The following TYW3 variants were observed in gnomAD, a reference collection of about 807,000 sequenced individuals.
TYW3 encodes tRNA wybutosine-synthesizing protein 3 homolog.
A neutral mutation model predicts 23.1 loss-of-function variants in TYW3; 26 were observed. The observed-to-expected ratio is 1.13, with a 90% confidence interval of 0.83 to 1.56. The LOEUF (loss-of-function observed/expected upper bound fraction) is 1.56, where lower values mean the gene tolerates loss of function less well. TYW3 is among the 40% of genes most tolerant of loss of function. The pLI, the probability that TYW3 is intolerant of heterozygous loss-of-function variation, is 0.00. For missense variants in TYW3, 316 were observed against 311.9 expected, an observed-to-expected ratio of 1.01 and a Z score of -0.10; for synonymous variants, 102 against 105.7, an observed-to-expected ratio of 0.97 and a Z score of 0.21.
At position 74,764,122 on chromosome 1, in the gene TYW3, T is replaced by C. The variant is rs1315103329; in HGVS notation, c.*9T>C. ...TCCCTGAAGATTACTAAGCTTTGGT[T>C]CTGATGTGTCTTGGCCGTAATGTTT... On this transcript the variant is annotated 3_prime_UTR_variant, in exon 6 of 6. Coordinates refer to ENST00000370867, the MANE Select transcript of TYW3 (RefSeq NM_138467.3). 2 of 1,601,452 alleles carry C rather than the reference T, an allele frequency of 1.2e-6. No homozygotes were observed. Among genetic ancestry groups the C allele is most frequent in the Non-Finnish European group, 8.5e-7 (1 of 1,175,046 alleles).
Position 74,765,559 on chromosome 1 carries a change from C to T in TYW3, c.*1446C>T, listed in dbSNP as rs1156899899. 6.6e-6 allele frequency: 1 copy of T among 151,932 alleles called. No individual in the cohort carries two copies. The highest frequency in any genetic ancestry group is 1.5e-5 in the Non-Finnish European group (1 of 67,940). The allele number at this position is 151,932 out of a possible 1,614,324, so 9.4% of individuals were successfully genotyped here. A position where few individuals can be genotyped will look rare whatever the true frequency, so the allele number is the denominator to read the frequency against. ...ACTCACAGTGTCGGAATGCCTGGAG[C>T]ATTTCTTCTAGTCTGGTGGACAGAA... is the stretch of plus-strand genomic sequence containing the variant. On this transcript the variant is annotated 3_prime_UTR_variant, in exon 6 of 6. Coordinates refer to ENST00000370867, the MANE Select transcript of TYW3 (RefSeq NM_138467.3).
chr1:74,741,712 A>G (rs544953182), intron 3 of TYW3, among the ~76,000 whole-genome samples: 1 of 152,342 alleles, frequency 6.6e-6, no homozygotes, highest in South Asian at 2.1e-4. Flanking sequence ...CATTTGTGAG[A>G]AAAGTTCTTC....
intron 2 of TYW3, among the ~76,000 whole-genome samples, chr1:74,737,900 A>G (rs1020248715): frequency 1.4e-4 from 21 of 152,164 alleles, no homozygotes; most frequent in African/African-American, 5.1e-4. Context: ...TGGCTAGCAG[A>G]TTGGTTCCAC....
intron 5 of TYW3, among the ~76,000 whole-genome samples, chr1:74,753,686 T>C (rs555187173): frequency 4.6e-5 from 7 of 152,244 alleles, no homozygotes; most frequent in Non-Finnish European, 1.0e-4. Flanking sequence ...CCTGACCCTG[T>C]TATGTTTTGG....
Position 74,759,600 on chromosome 1 carries a change from G to C in TYW3, c.561-4294G>C, listed in dbSNP as rs973517381. 4.6e-5 allele frequency among the ~76,000 whole-genome samples: 7 copies of C among 152,172 alleles called. No individual in the cohort carries two copies. In the East Asian group the frequency reaches 1.4e-3, roughly 29 times the overall value. On this transcript the variant is annotated intron_variant, in intron 5 of 5. Coordinates refer to ENST00000370867, the MANE Select transcript of TYW3 (RefSeq NM_138467.3). ...GTATAGTTGACCCTTGAACAACATG[G>C]AGTTAGGGTTACCACCCCCCTATGT...
intron 5 of TYW3, among the ~76,000 whole-genome samples, chr1:74,755,994 A>G (rs1648939050): frequency 1.3e-5 from 2 of 152,160 alleles, no homozygotes; most frequent in Admixed American, 1.3e-4. Flanking sequence ...TGACGGTTTT[A>G]AAAACGGGAG....
chr1:74,764,239 C>A lies in TYW3; in HGVS notation c.*126C>A. ...TAAGCCAGTAATGACAAGTGCAGAG[C>A]TTCAAACTATAACTTTGTTGCCCAG... On this transcript the variant is annotated 3_prime_UTR_variant, in exon 6 of 6. Coordinates refer to ENST00000370867, the MANE Select transcript of TYW3 (RefSeq NM_138467.3). 1 of 787,976 alleles carries A rather than the reference C, an allele frequency of 1.3e-6. No individual in the cohort carries two copies. Among genetic ancestry groups the A allele is most frequent in the Non-Finnish European group, 2.0e-6 (1 of 507,996 alleles). The allele number at this position is 787,976 out of a possible 1,614,324, so 48.8% of individuals were successfully genotyped here. A position where few individuals can be genotyped will look rare whatever the true frequency, so the allele number is the denominator to read the frequency against.
chr1:74,763,084 ATG>A (rs937425235), intron 5 of TYW3, among the ~76,000 whole-genome samples: 2 of 152,184 alleles, frequency 1.3e-5, no homozygotes, highest in African/African-American at 4.8e-5. Context: ...TCCAGGTAGA[ATG>A]TGTTTTTTGA....
Position 74,764,233 on chromosome 1 carries a change from G to T in TYW3, c.*120G>T, listed in dbSNP as rs1570087518. 1.2e-6 allele frequency: 1 copy of T among 841,520 alleles called. No individual in the cohort carries two copies. Among genetic ancestry groups the T allele is most frequent in the East Asian group, 2.6e-5 (1 of 38,248 alleles). The allele number at this position is 841,520 out of a possible 1,614,324, so 52.1% of individuals were successfully genotyped here. The stretch of plus-strand genomic sequence containing the variant: ...CATTCATAAGCCAGTAATGACAAGT[G>T]CAGAGCTTCAAACTATAACTTTGTT... On this transcript the variant is annotated 3_prime_UTR_variant, in exon 6 of 6. Transcript: ENST00000370867.
At chr1:74,750,848 C>T (rs2100769083) in intron 4 of TYW3, among the ~76,000 whole-genome samples, 1 of 132,036 alleles carries the variant, frequency 7.6e-6, no homozygotes, top group East Asian at 2.0e-4. Context: ...ACTCTTATTG[C>T]CCAGACTGTA....
chr1:74,760,266 TAGA>T (rs1649098022), intron 5 of TYW3, among the ~76,000 whole-genome samples: 1 of 151,998 alleles, frequency 6.6e-6, no homozygotes, highest in Non-Finnish European at 1.5e-5. Flanking sequence ...GTAGAGAAGG[TAGA>T]AGGAGAAGCA....
intron 3 of TYW3, among the ~76,000 whole-genome samples, chr1:74,739,660 A>C (rs28685856): frequency 0.39 from 59,808 of 152,118 alleles, 14,404 homozygotes; most frequent in Non-Finnish European, 0.55. Context: ...AAAGAGTTTG[A>C]ATTTCTTTCT....
At chr1:74,742,837 T>C (rs1228849405) in intron 3 of TYW3, among the ~76,000 whole-genome samples, 1 of 152,100 alleles carries the variant, frequency 6.6e-6, no homozygotes, top group East Asian at 1.9e-4. Flanking sequence ...GTAGGAGAAA[T>C]ACCTGGTTAC....
At chr1:74,748,730 A>G (rs957941145) in intron 3 of TYW3, 21 bp from the exon 4 acceptor site, 1 of 1,611,342 alleles carries the variant, frequency 6.2e-7, no homozygotes, top group African/African-American at 1.3e-5. Flanking sequence ...TCAAAATGTA[A>G]CAAGTTTTAT....
At chr1:74,738,130 T>G (rs1188108783) in intron 2 of TYW3, among the ~76,000 whole-genome samples, 1 of 151,008 alleles carries the variant, frequency 6.6e-6, no homozygotes, top group Non-Finnish European at 1.5e-5. Context: ...ACAAAAAAAC[T>G]GCAAGTTGCA....
chr1:74,750,609 G>A (rs955280626), intron 4 of TYW3, among the ~76,000 whole-genome samples: 1 of 151,918 alleles, frequency 6.6e-6, no homozygotes, highest in Non-Finnish European at 1.5e-5. Context: ...CATTTTCTTG[G>A]TATTCAGGGT....
intron 3 of TYW3, among the ~76,000 whole-genome samples, chr1:74,747,730 C>CAT (rs1223528945): frequency 1.3e-5 from 2 of 150,246 alleles, no homozygotes; most frequent in Non-Finnish European, 3.0e-5. Flanking sequence ...TATGTATACA[C>CAT]ATATATACAC....
At position 74,766,619 on chromosome 1, in the gene TYW3, C is replaced by T. The variant is rs183220947; in HGVS notation, c.*2506C>T. The T allele has an allele frequency of 6.6e-6, 1 of 152,148 alleles. No individual in the cohort carries two copies. The highest frequency in any genetic ancestry group is 1.9e-4 in the East Asian group (1 of 5,174). 9.4% of individuals were successfully genotyped at this position (152,148 alleles called of 1,614,324 possible). A position where few individuals can be genotyped will look rare whatever the true frequency, so the allele number is the denominator to read the frequency against. On this transcript the variant is annotated 3_prime_UTR_variant, in exon 6 of 6. Coordinates refer to ENST00000370867, the MANE Select transcript of TYW3 (RefSeq NM_138467.3). ...TTTTAAGAAATTAAAGTTTATAAAC[C>T]AAATGTTCATTGTGAGCCAAGGTTA...
At chr1:74,741,502 G>A (rs1200548418) in intron 3 of TYW3, among the ~76,000 whole-genome samples, 2 of 152,178 alleles carry the variant, frequency 1.3e-5, no homozygotes, top group African/African-American at 4.8e-5. Flanking sequence ...GGATTACCGA[G>A]TATGGTCCTT....
Sources: allele counts gnomAD v4.1 joint callset (sites outside exome capture counted in the v4.1 genomes callset), GRCh38; gene constraint gnomAD v4.1.1; transcripts MANE v1.5; gene names NCBI Gene and HGNC (gene_info 2026-07-23, HGNC 2026-07-21).